The following UTRN variants were observed in gnomAD, a reference collection of about 807,000 sequenced individuals.
UTRN encodes dystrophin-related protein 1.
In UTRN, 283 loss-of-function variants were observed where a neutral mutation model predicts 463.9. That is an observed-to-expected ratio of 0.61 (90% CI 0.55 to 0.67). The LOEUF (loss-of-function observed/expected upper bound fraction) is 0.67. Ranked by LOEUF, UTRN falls within the 30% of genes least tolerant of loss-of-function variation. The pLI, the probability that UTRN is intolerant of heterozygous loss-of-function variation, is 0.00. For synonymous variants in UTRN, 1,442 were observed against 1,431.5 expected, an observed-to-expected ratio of 1.01 and a Z score of -0.17; for missense variants, 3,922 against 4,084.3, an observed-to-expected ratio of 0.96 and a Z score of 1.08.
intron 13 of UTRN, among the ~76,000 whole-genome samples, chr6:144,442,594 T>A (rs1787280853): frequency 6.6e-6 from 1 of 151,784 alleles, no homozygotes; most frequent in South Asian, 2.1e-4. Context: ...AGTCACGATT[T>A]ACATGCATGG....
chr6:144,583,248 T>G (rs931365060), intron 51 of UTRN: 3 of 381,524 alleles, frequency 7.9e-6, no homozygotes, highest in African/African-American at 6.2e-5. Context: ...GCTGAGCAAG[T>G]GCTGCCTGTG....
intron 17 of UTRN, 88 bp from the exon 18 acceptor site, chr6:144,451,282 C>A: frequency 2.0e-6 from 3 of 1,467,336 alleles, no homozygotes; most frequent in East Asian, 2.3e-5. Flanking sequence ...AGACATATTC[C>A]TGATGAGCAT....
At chr6:144,417,059 G>T (rs1784418163) in intron 3 of UTRN, among the ~76,000 whole-genome samples, 1 of 152,092 alleles carries the variant, frequency 6.6e-6, no homozygotes, top group Non-Finnish European at 1.5e-5. Context: ...TTCACAGAGT[G>T]GATCCCAAGT....
At chr6:144,309,746 T>G (rs995262304) in intron 2 of UTRN, among the ~76,000 whole-genome samples, 6 of 152,218 alleles carry the variant, frequency 3.9e-5, no homozygotes, top group Admixed American at 6.5e-5. Context: ...AGTGGATATG[T>G]TGCTTCAGGT....
chr6:144,363,899 C>T (rs1344126839), intron 2 of UTRN, among the ~76,000 whole-genome samples: 1 of 152,080 alleles, frequency 6.6e-6, no homozygotes, highest in Non-Finnish European at 1.5e-5. Flanking sequence ...GGCATTTAGC[C>T]CTGTAGCATA....
chr6:144,557,204 C>T lies in UTRN; in HGVS notation c.7182C>T (p.Phe2394=), dbSNP rs374954845. The T allele has an allele frequency of 1.2e-5, 20 of 1,613,824 alleles. No homozygotes were observed. Among genetic ancestry groups the T allele is most frequent in the African/African-American group, 5.3e-5 (4 of 74,998 alleles). ...CTGGAGATGGTATCGTCATGGCGTT[C>T]GATAACGTCCTGCAGAAACTCCTGG... The part of the protein sequence containing the change: ...LGPGDGIVMA[F]DNVLQKLLEE... Residue 2394 remains phenylalanine, a synonymous_variant, in exon 50 of 75, where the codon TTC becomes TTT. Transcript: ENST00000367545.
At chr6:144,313,377 A>AATAGAAAGG (rs1367133841) in intron 2 of UTRN, among the ~76,000 whole-genome samples, 4 of 151,944 alleles carry the variant, frequency 2.6e-5, no homozygotes, top group Admixed American at 6.6e-5. Context: ...AAGAAAAGAA[A>AATAGAAAGG]ATAGAAAGGA....
Position 144,836,504 on chromosome 6 carries a change from A to G in UTRN, c.10028A>G (p.Glu3343Gly). 1.2e-6 allele frequency: 2 copies of G among 1,613,854 alleles called. No homozygotes were observed. The highest frequency in any genetic ancestry group is 1.7e-6 in the Non-Finnish European group (2 of 1,179,930). ...QILEDHNKQL[E>G]SQLHRLRQLL... is the part of the protein sequence containing the mutation. ...TTAGAAGATCACAATAAACAGCTGG[A>G]GTCTCAGCTCCACCGCCTCCGACAG... Residue 3343 changes from glutamate (E) to glycine (G), a missense_variant, in exon 71 of 75, where the codon GAG becomes GGG. Glu to Gly is a moderately conservative substitution (Grantham distance 98). Coordinates refer to ENST00000367545, the MANE Select transcript of UTRN (RefSeq NM_007124.3).
intron 51 of UTRN, among the ~76,000 whole-genome samples, chr6:144,671,683 T>C (rs1299877182): frequency 1.3e-5 from 2 of 152,186 alleles, no homozygotes; most frequent in Non-Finnish European, 2.9e-5. Context: ...GTCTAGGACT[T>C]CCAGTGCTAT....
intron 2 of UTRN, among the ~76,000 whole-genome samples, chr6:144,348,132 C>T (rs1284714261): frequency 3.9e-5 from 6 of 152,132 alleles, no homozygotes; most frequent in Non-Finnish European, 8.8e-5. Context: ...AGGCCTGAGC[C>T]ACCATGCCCA....
At chr6:144,640,788 G>T (rs1777684477) in intron 51 of UTRN, among the ~76,000 whole-genome samples, 1 of 152,102 alleles carries the variant, frequency 6.6e-6, no homozygotes, top group Non-Finnish European at 1.5e-5. Context: ...GATCCTCATT[G>T]TTTTTGAAAC....
At chr6:144,386,832 T>C (rs1781464253) in intron 2 of UTRN, among the ~76,000 whole-genome samples, 1 of 152,140 alleles carries the variant, frequency 6.6e-6, no homozygotes, top group South Asian at 2.1e-4. Context: ...CATTTTGTTT[T>C]TAACTTGTCA....
At chr6:144,541,932 T>C (rs1336716496) in intron 45 of UTRN, among the ~76,000 whole-genome samples, 1 of 152,172 alleles carries the variant, frequency 6.6e-6, no homozygotes, top group African/African-American at 2.4e-5. Context: ...AGACAGAGAA[T>C]GAGCACAGTG....
chr6:144,713,567 T>C (rs1785993892), intron 53 of UTRN, among the ~76,000 whole-genome samples: 2 of 149,256 alleles, frequency 1.3e-5, no homozygotes, highest in Non-Finnish European at 3.0e-5. Flanking sequence ...TGAGCCAAGA[T>C]CACAGCATTG....
intron 23 of UTRN, 36 bp from the exon 24 acceptor site, chr6:144,473,684 G>A (rs763255840): frequency 5.7e-6 from 9 of 1,574,532 alleles, no homozygotes; most frequent in East Asian, 4.5e-5. Context: ...TGAACGTCAC[G>A]AAGTAATATC....
Position 144,485,416 on chromosome 6 carries a change from A to G in UTRN, c.3719A>G (p.His1240Arg), listed in dbSNP as rs1339839758. 1 of 1,614,142 alleles carries G rather than the reference A, an allele frequency of 6.2e-7. No individual in the cohort carries two copies. The highest frequency in any genetic ancestry group is 8.5e-7 in the Non-Finnish European group (1 of 1,180,030). The change falls in exon 28 of 75, where the codon CAC becomes CGC. Residue 1240 changes from histidine to arginine, a missense_variant. By Grantham distance (29) the His-to-Arg change is conservative. Around this residue, in one of 3 missense-constraint regions of UTRN, gnomAD observed 2,349 missense variants for 2,303.8 expected, o/e 1.02. Coordinates refer to ENST00000367545, the MANE Select transcript of UTRN (RefSeq NM_007124.3). ...EVWSCWIELL[H>R]YLDLETTWLN... The stretch of plus-strand genomic sequence containing the variant: ...TGGTCTTGTTGGATTGAACTGCTTC[A>G]CTATTTGGATCTTGAAACTACCTGG...
At chr6:144,389,614 C>T (rs962243552) in intron 2 of UTRN, among the ~76,000 whole-genome samples, 3 of 151,308 alleles carry the variant, frequency 2.0e-5, no homozygotes, top group Non-Finnish European at 4.4e-5. Flanking sequence ...TTTTTCCCCC[C>T]CTGAGACGGG....
chr6:144,780,386 G>A (rs1233967872), intron 60 of UTRN, among the ~76,000 whole-genome samples: 2 of 151,696 alleles, frequency 1.3e-5, no homozygotes, highest in Non-Finnish European at 2.9e-5. Flanking sequence ...TAAAAAATAA[G>A]AAAAAATAAG....
At chr6:144,713,364 G>T (rs1390826104) in intron 53 of UTRN, among the ~76,000 whole-genome samples, 1 of 152,006 alleles carries the variant, frequency 6.6e-6, no homozygotes, top group Non-Finnish European at 1.5e-5. Context: ...TTAGCACTTT[G>T]GGAGGCTGAT....
Sources: allele counts gnomAD v4.1 joint callset (sites outside exome capture counted in the v4.1 genomes callset), GRCh38; gene constraint gnomAD v4.1.1; regional missense constraint gnomAD v4.1.1; transcripts MANE v1.5; gene names NCBI Gene and HGNC (gene_info 2026-07-23, HGNC 2026-07-21).